CPT1A: variants seen among roughly 807,000 people sequenced by gnomAD.
CPT1A encodes carnitine O-palmitoyltransferase 1, liver isoform.
A neutral mutation model predicts 100.8 loss-of-function variants in CPT1A; 64 were observed. The observed-to-expected ratio is 0.63, with a 90% CI of 0.52 to 0.78. The LOEUF is 0.78. CPT1A is among the 30% of genes least tolerant of loss of function. The pLI, the probability that CPT1A is intolerant of heterozygous loss-of-function variation, is 0.00. For missense variants in CPT1A, 802 were observed against 1,034.1 expected (o/e 0.78, Z 3.08); for synonymous variants, 363 against 396.0 (o/e 0.92, Z 0.99).
chr11:68,820,952 T>C (rs1378529311), intron 1 of CPT1A, among the ~76,000 whole-genome samples: 1 of 152,124 alleles, frequency 6.6e-6, no homozygotes, highest in Non-Finnish European at 1.5e-5. Context: ...CAGTCCCTTA[T>C]AGAAAATAGT....
At chr11:68,811,621 A>G (rs1018266676) in intron 3 of CPT1A, among the ~76,000 whole-genome samples, 1 of 152,132 alleles carries the variant, frequency 6.6e-6, no homozygotes, top group Non-Finnish European at 1.5e-5. Flanking sequence ...TTTGAACTCT[A>G]GCTTCCCCGC....
At chr11:68,791,277 C>T (rs976244363) in intron 9 of CPT1A, among the ~76,000 whole-genome samples, 2 of 152,228 alleles carry the variant, frequency 1.3e-5, no homozygotes, top group Admixed American at 6.5e-5. Flanking sequence ...CACCCTGACC[C>T]ACTTCCCTTT....
At chr11:68,814,830 G>A (rs1056746334) in intron 2 of CPT1A, among the ~76,000 whole-genome samples, 1 of 152,052 alleles carries the variant, frequency 6.6e-6, no homozygotes, top group African/African-American at 2.4e-5. Context: ...GGGACTACAG[G>A]TGCATGCCAA....
intron 14 of CPT1A, among the ~76,000 whole-genome samples, chr11:68,767,505 C>T (rs947707550): frequency 6.6e-6 from 1 of 152,110 alleles, no homozygotes; most frequent in African/African-American, 2.4e-5. Flanking sequence ...GGGAGGATCG[C>T]CAGCACCCAG....
rs1946667310 is a variant in CPT1A at position 68,755,183 on chromosome 11, G to T, written c.*2461C>A. 3.3e-6 allele frequency: 1 copy of T among 300,280 alleles called. No individual in the cohort carries two copies. Among genetic ancestry groups the T allele is most frequent in the Admixed American group, 4.6e-5 (1 of 21,756 alleles). The allele number at this position is 300,280 out of a possible 1,614,324, so 18.6% of individuals were successfully genotyped here. A position where few individuals can be genotyped will look rare whatever the true frequency, so the allele number is the denominator to read the frequency against. On this transcript the variant is annotated 3_prime_UTR_variant, in exon 19 of 19. Transcript: ENST00000265641. The stretch of plus-strand genomic sequence containing the variant: ...CATTTGAAACATTTAAAACCTGAGA[G>T]AGAAACCCAAATATGTTTAAGCACT...
intron 9 of CPT1A, among the ~76,000 whole-genome samples, chr11:68,791,863 A>C (rs1855624373): frequency 6.6e-6 from 1 of 152,074 alleles, no homozygotes; most frequent in South Asian, 2.1e-4. Context: ...GAACCTCTGA[A>C]GGCAGGATCA....
chr11:68,837,327 C>T (rs1457367496), intron 1 of CPT1A, among the ~76,000 whole-genome samples: 1 of 152,184 alleles, frequency 6.6e-6, no homozygotes, highest in Non-Finnish European at 1.5e-5. Flanking sequence ...GGATTACAGG[C>T]GTGAGCCACT....
Position 68,841,113 on chromosome 11 carries a change from G to A in CPT1A, c.-14+662C>T, listed in dbSNP as rs1017686640. 3.9e-5 allele frequency among the ~76,000 whole-genome samples: 6 copies of A among 152,274 alleles called. No individual in the cohort carries two copies. Among genetic ancestry groups the A allele is most frequent in the African/African-American group, 9.6e-5 (4 of 41,472 alleles). On this transcript the variant is annotated intron_variant, in intron 1 of 18. Coordinates refer to ENST00000265641, the MANE Select transcript of CPT1A (RefSeq NM_001876.4). This position sits in a 1 kb window ranked among gnomAD's most constrained non-coding sequence, Gnocchi z 6.3. ...GAGGGCGGGCATGGGGAGGGGGACC[G>A]GGGAGACGGACGCTGGGATGGGGTC...
chr11:68,782,099 G>A, intron 10 of CPT1A, 140 bp from the exon 11 acceptor site: 2 of 805,044 alleles, frequency 2.5e-6, no homozygotes, highest in East Asian at 2.7e-5. Context: ...TTCCCCATCT[G>A]AGACTGTTTG....
Position 68,759,652 on chromosome 11 carries a change from C to G in CPT1A, c.2152G>C (p.Asp718His). The G allele has an allele frequency of 6.2e-7, 1 of 1,611,662 alleles. No homozygotes were observed. Among genetic ancestry groups the G allele is most frequent in the South Asian group, 1.1e-5 (1 of 91,036 alleles). ...SGGGFGPVAD[D>H]GYGVSYILVG... ...AGGATGTACGACACACCATAGCCGT[C>G]ATCAGCAACCTGGAGGACAAGGGAA... The change falls in exon 18 of 19, where the codon GAC becomes CAC. Residue 718 changes from aspartate (D) to histidine (H), a missense_variant. By Grantham distance (81) the Asp-to-His change is moderately conservative. Transcript: ENST00000265641.
intron 1 of CPT1A, among the ~76,000 whole-genome samples, chr11:68,838,948 A>G (rs1040352246): frequency 8.5e-5 from 13 of 152,224 alleles, no homozygotes; most frequent in Non-Finnish European, 1.5e-4. Context: ...TCTTCACAAG[A>G]AAAGCTCAAG....
At chr11:68,754,643 C>G (rs112705038), downstream of CPT1A, 2 of 603,552 alleles carry the variant, frequency 3.3e-6, no homozygotes, top group South Asian at 4.3e-5. Flanking sequence ...ATTTATTGAG[C>G]ATCTTTTATG....
chr11:68,803,808 T>TA lies in CPT1A; in HGVS notation c.555+191dup, dbSNP rs575895029. Among the ~76,000 whole-genome samples the TA allele has an allele frequency of 6.5e-4, 98 of 150,538 alleles. 1 individual carries two copies. Among genetic ancestry groups the TA allele is most frequent in the African/African-American group, 2.3e-3 (93 of 41,040 alleles). ...TTTCTCTATGAAACCTGACACTTTT[T>TA]AAAAAACACCTAAGATGCAGCAGTG... On this transcript the variant is annotated intron_variant, in intron 5 of 18. Transcript: ENST00000265641.
At chr11:68,814,241 C>CTT (rs200517575) in intron 2 of CPT1A, among the ~76,000 whole-genome samples, 2,616 of 152,270 alleles carry the variant, frequency 0.017, 28 homozygotes, top group Middle Eastern at 0.031. Context: ...AGTTCTACTT[C>CTT]TTTAGATAAA....
At chr11:68,779,123 A>G (rs1010839281) in intron 12 of CPT1A, among the ~76,000 whole-genome samples, 2 of 152,148 alleles carry the variant, frequency 1.3e-5, no homozygotes, top group Non-Finnish European at 2.9e-5. Flanking sequence ...ACCCGGCTCC[A>G]TGCCCTATCA....
At chr11:68,754,623 C>A (rs1328547758), downstream of CPT1A, 1 of 595,956 alleles carries the variant, frequency 1.7e-6, no homozygotes, top group Non-Finnish European at 3.1e-6. Context: ...TCATGCATTA[C>A]TTTTAACATA....
chr11:68,813,696 C>CAAA (rs11400593), intron 2 of CPT1A, among the ~76,000 whole-genome samples: 5 of 136,784 alleles, frequency 3.7e-5, no homozygotes, highest in South Asian at 2.4e-4. Flanking sequence ...GACCCTGTCT[C>CAAA]AAAAAAAAAA....
chr11:68,775,657 G>C (rs527845351), intron 12 of CPT1A, among the ~76,000 whole-genome samples: 1 of 152,250 alleles, frequency 6.6e-6, no homozygotes, highest in South Asian at 2.1e-4. Flanking sequence ...AGTTTGTGAC[G>C]CTCTCCTTTC....
At position 68,815,391 on chromosome 11, in the gene CPT1A, A is replaced by C. The variant is rs752610930; in HGVS notation, c.84T>G (p.Leu28=). ...GIDLRLSHEA[L]RQIYLSGLHS... ...GAAGTCCAGAGAGATAGATTTGTCT[A>C]AGAGCTTCATGGCTCAGCCGCAGGT... The change falls in exon 2 of 19, where the codon CTT becomes CTG. Residue 28 remains leucine (L), a synonymous_variant. Coordinates refer to ENST00000265641, the MANE Select transcript of CPT1A (RefSeq NM_001876.4). The C allele has an allele frequency of 1.2e-6, 2 of 1,614,172 alleles. No individual in the cohort carries two copies. The highest frequency in any genetic ancestry group is 2.2e-5 in the South Asian group (2 of 91,088).
Sources: gnomAD v4.1 joint callset for allele counts (sites outside exome capture counted in the v4.1 genomes callset) on GRCh38, gnomAD v4.1.1 for gene constraint, Gnocchi (gnomAD v3.1) non-coding constraint, MANE v1.5 for transcripts, NCBI Gene and HGNC (gene_info 2026-07-23, HGNC 2026-07-21) for gene names.